Variants in RBFOX1 observed in about 807,000 individuals in gnomAD.
RBFOX1 encodes the protein RNA binding fox-1 homolog 1, also known as RNA binding protein fox-1 homolog 1.
RBFOX1 carries 8 observed loss-of-function variants against 57.7 expected under a neutral mutation model. The observed-to-expected ratio is 0.14, with a 90% CI of 0.08 to 0.25. The LOEUF (loss-of-function observed/expected upper bound fraction) is 0.25, where lower values mean the gene tolerates loss of function less well. Among genes scored for constraint, RBFOX1 ranks in the 10% least tolerant of loss-of-function variants. The probability of loss-of-function intolerance (pLI) is 1.00; values close to 1 mark genes in which losing one functional copy is unlikely to be tolerated. For missense variants in RBFOX1, 611 were observed against 548.5 expected (o/e 1.11, Z -1.14); for synonymous variants, 326 against 222.4 (o/e 1.47, Z -4.15).
chr16:6,759,473 CTGTGTGTGTGTGTGTGTGTGTGTG>C (rs71145287), intron 3 of RBFOX1, among the ~76,000 whole-genome samples: 14 of 143,186 alleles, frequency 9.8e-5, no homozygotes, highest in African/African-American at 2.1e-4. Context: ...TGTCAGTTGT[CTGTGTGTGTGTGTGTGTGTGTGTG>C]TGTGTGTGTG....
intron 1 of RBFOX1, among the ~76,000 whole-genome samples, chr16:6,076,750 A>G (rs953639675): frequency 1.1e-4 from 17 of 152,156 alleles, no homozygotes; most frequent in African/African-American, 3.9e-4. Flanking sequence ...CTCGCTGTCA[A>G]ACTTGTTACA....
chr16:6,887,592 A>G (rs2064381211), intron 3 of RBFOX1, among the ~76,000 whole-genome samples: 1 of 151,384 alleles, frequency 6.6e-6, no homozygotes, highest in Non-Finnish European at 1.5e-5. Context: ...CTGCCATATC[A>G]CCATAGAGGT....
At chr16:5,972,622 G>A (rs961756007) in intron 4 of RBFOX1, among the ~76,000 whole-genome samples, 1 of 152,224 alleles carries the variant, frequency 6.6e-6, no homozygotes, top group Non-Finnish European at 1.5e-5. Context: ...GGCAATCAGG[G>A]AAGGTTCAGG....
chr16:5,538,978 G>A (rs1008622600), intron 2 of RBFOX1, among the ~76,000 whole-genome samples: 3 of 152,148 alleles, frequency 2.0e-5, no homozygotes, highest in Non-Finnish European at 4.4e-5. Flanking sequence ...GAAACCCATA[G>A]CAGCACGGCT....
chr16:6,867,018 A>T (rs903018744), intron 3 of RBFOX1, among the ~76,000 whole-genome samples: 1 of 16,104 alleles, frequency 6.2e-5, no homozygotes, highest in Admixed American at 7.8e-4. Flanking sequence ...CTGTTCTTTA[A>T]AAAAAAAAAA....
At chr16:5,557,259 C>CAATAAATAAATA (rs201351265) in intron 2 of RBFOX1, among the ~76,000 whole-genome samples, 12 of 143,472 alleles carry the variant, frequency 8.4e-5, no homozygotes, top group African/African-American at 1.9e-4. Context: ...GACTCCATCT[C>CAATAAATAAATA]AATAAATAAA....
At chr16:6,752,459 G>A (rs2075099250) in intron 3 of RBFOX1, among the ~76,000 whole-genome samples, 1 of 152,182 alleles carries the variant, frequency 6.6e-6, no homozygotes, top group African/African-American at 2.4e-5. Context: ...TTTAGAGATG[G>A]AATATGACAT....
chr16:7,278,382 G>C (rs577504700), intron 4 of RBFOX1, among the ~76,000 whole-genome samples: 2 of 152,150 alleles, frequency 1.3e-5, no homozygotes, highest in Non-Finnish European at 2.9e-5. Context: ...TCTACATAAA[G>C]ATTCCTATGT....
chr16:7,307,226 A>G (rs955872328), intron 4 of RBFOX1, among the ~76,000 whole-genome samples: 2 of 152,156 alleles, frequency 1.3e-5, no homozygotes, highest in African/African-American at 4.8e-5. Flanking sequence ...CCTGAAGTAT[A>G]TTTTTCTGGA....
intron 2 of RBFOX1, among the ~76,000 whole-genome samples, chr16:6,436,511 C>CTTTTTTTTTTTTTTTTTTTTTTTTTTTTT (rs61508952): frequency 9.7e-6 from 1 of 103,420 alleles, no homozygotes; most frequent in African/African-American, 3.3e-5. Context: ...TTTTTCTTCA[C>CTTTTTTTTTTTTTTTTTTTTTTTTTTTTT]TTTTTTTTTT....
chr16:6,739,969 CAAGA>C (rs1568418077), intron 3 of RBFOX1, among the ~76,000 whole-genome samples: 1 of 152,080 alleles, frequency 6.6e-6, no homozygotes, highest in Non-Finnish European at 1.5e-5. Context: ...ACAAAAGAAA[CAAGA>C]AAACTGCAAA....
At chr16:7,247,867 A>G (rs1445200286) in intron 4 of RBFOX1, among the ~76,000 whole-genome samples, 2 of 152,164 alleles carry the variant, frequency 1.3e-5, no homozygotes, top group East Asian at 3.9e-4. Context: ...AGAGGGGAAC[A>G]ACACACACTG....
At chr16:5,456,943 G>C (rs953735837) in intron 1 of RBFOX1, among the ~76,000 whole-genome samples, 22 of 152,082 alleles carry the variant, frequency 1.4e-4, no homozygotes, top group Admixed American at 1.4e-3. Context: ...ATCTTAGTCC[G>C]TTTGGGCTGC....
intron 3 of RBFOX1, among the ~76,000 whole-genome samples, chr16:7,029,061 T>TATACAC (rs1311760824): frequency 3.2e-5 from 1 of 30,914 alleles, no homozygotes; most frequent in Non-Finnish European, 5.1e-5. Flanking sequence ...TATATATATA[T>TATACAC]ATATATATAT....
intron 3 of RBFOX1, among the ~76,000 whole-genome samples, chr16:6,949,910 C>T (rs553346788): frequency 1.3e-5 from 2 of 151,104 alleles, no homozygotes; most frequent in East Asian, 2.0e-4. Context: ...TCATCCTCAG[C>T]GTAGGTAGCT....
intron 1 of RBFOX1, among the ~76,000 whole-genome samples, chr16:5,254,416 C>T (rs1416410438): frequency 1.3e-5 from 2 of 152,092 alleles, no homozygotes; most frequent in Admixed American, 6.5e-5. Flanking sequence ...CCATAAAATA[C>T]CAGTTTTTCT....
At chr16:6,973,697 G>A (rs75469330) in intron 3 of RBFOX1, among the ~76,000 whole-genome samples, 2 of 152,162 alleles carry the variant, frequency 1.3e-5, no homozygotes, top group East Asian at 1.9e-4. Flanking sequence ...AGTAAAGTGT[G>A]TTGAATCATG....
At chr16:7,507,512 G>A (rs1232152159) in intron 4 of RBFOX1, among the ~76,000 whole-genome samples, 1 of 151,754 alleles carries the variant, frequency 6.6e-6, no homozygotes, top group Admixed American at 6.6e-5. Context: ...GAGATTCTGA[G>A]GCAGTAGGTC....
intron 4 of RBFOX1, among the ~76,000 whole-genome samples, chr16:7,097,138 G>T (rs553909838): frequency 1.3e-5 from 2 of 152,230 alleles, no homozygotes; most frequent in South Asian, 2.1e-4. Context: ...CGCGAGAGAG[G>T]TATTGTGAAT....
Sources: allele counts gnomAD v4.1 joint callset (sites outside exome capture counted in the v4.1 genomes callset), GRCh38; gene constraint gnomAD v4.1.1; transcripts MANE v1.5; gene names NCBI Gene and HGNC (gene_info 2026-07-23, HGNC 2026-07-21).